DCLK1: variants seen among roughly 807,000 people sequenced by gnomAD.
DCLK1 encodes doublecortin like kinase 1, also known as serine/threonine-protein kinase DCLK1.
In DCLK1, 16 loss-of-function variants were observed where a neutral mutation model predicts 86.2. The ratio of observed to expected loss-of-function variants is 0.19; its 90% CI spans 0.13 to 0.28. The LOEUF is 0.28. Among genes scored for constraint, DCLK1 ranks in the 10% least tolerant of loss-of-function variants. The probability of loss-of-function intolerance (pLI) is 1.00; values close to 1 mark genes in which losing one functional copy is unlikely to be tolerated. For synonymous variants in DCLK1, 369 were observed against 370.5 expected (o/e 1.00, Z 0.05); for missense variants, 590 against 940.2 (o/e 0.63, Z 4.87).
At chr13:35,981,629 C>CT in intron 3 of DCLK1, among the ~76,000 whole-genome samples, 1 of 152,262 alleles carries the variant, frequency 6.6e-6, no homozygotes, top group East Asian at 1.9e-4. Flanking sequence ...GTGCTCCATC[C>CT]TTTTTAAAGC....
chr13:35,933,044 A>T (rs1427805501), intron 4 of DCLK1, among the ~76,000 whole-genome samples: 1 of 152,196 alleles, frequency 6.6e-6, no homozygotes, highest in Admixed American at 6.5e-5. Context: ...AACAATTCCA[A>T]ATGGGAGAAA....
intron 3 of DCLK1, among the ~76,000 whole-genome samples, chr13:36,069,552 T>C (rs1883889967): frequency 6.6e-6 from 1 of 152,138 alleles, no homozygotes; most frequent in African/African-American, 2.4e-5. Flanking sequence ...ATGACCTGCT[T>C]CATCTCCCCT....
intron 3 of DCLK1, among the ~76,000 whole-genome samples, chr13:35,950,344 A>G (rs913667959): frequency 6.6e-6 from 1 of 152,238 alleles, no homozygotes; most frequent in African/African-American, 2.4e-5. Context: ...CTAACAAGAA[A>G]GAATAACAGA....
intron 4 of DCLK1, among the ~76,000 whole-genome samples, chr13:35,918,014 C>A (rs1321056788): frequency 6.6e-6 from 1 of 152,148 alleles, no homozygotes; most frequent in Non-Finnish European, 1.5e-5. Flanking sequence ...CAAACCCCAC[C>A]ATTAATCTGC....
chr13:35,850,122 T>C (rs1566566495), intron 6 of DCLK1: 1 of 985,290 alleles, frequency 1.0e-6, no homozygotes, highest in Non-Finnish European at 1.2e-6. Flanking sequence ...AATTTTTCTT[T>C]TTCTCTCGGA....
intron 6 of DCLK1, chr13:35,846,202 G>A (rs1032731790): frequency 2.0e-6 from 2 of 985,098 alleles, no homozygotes; most frequent in African/African-American, 1.7e-5. Context: ...AACTGAAACT[G>A]TGAGCAGAAA....
chr13:35,839,251 G>A (rs774514545), intron 6 of DCLK1, 75 bp from the exon 7 acceptor site: 98 of 1,307,666 alleles, frequency 7.5e-5, no homozygotes, highest in Admixed American at 1.9e-4. Context: ...TGCCCAGCCC[G>A]GAATCTCAGG....
intron 3 of DCLK1, among the ~76,000 whole-genome samples, chr13:36,014,610 T>C (rs1231801278): frequency 6.6e-6 from 1 of 152,148 alleles, no homozygotes; most frequent in Admixed American, 6.5e-5. Flanking sequence ...ATTTGCAATC[T>C]CTTGGAGTTG....
intron 3 of DCLK1, among the ~76,000 whole-genome samples, chr13:36,011,337 C>T (rs1285506153): frequency 8.4e-6 from 1 of 119,078 alleles, no homozygotes; most frequent in African/African-American, 3.0e-5. Context: ...AATTTTGGAT[C>T]TTTCCTGCTT....
intron 2 of DCLK1, among the ~76,000 whole-genome samples, chr13:36,116,777 T>G (rs1885806585): frequency 6.6e-6 from 1 of 152,246 alleles, no homozygotes; most frequent in South Asian, 2.1e-4. Context: ...ATTTCATTAT[T>G]GTGAGTTATG....
chr13:35,855,833 C>T (rs1376563446), intron 5 of DCLK1: 12 of 1,214,838 alleles, frequency 9.9e-6, no homozygotes, highest in Non-Finnish European at 1.2e-5. Flanking sequence ...CCAGTGCTGT[C>T]AGTACTTTGC....
chr13:36,117,178 G>A (rs1453404417), intron 2 of DCLK1, among the ~76,000 whole-genome samples: 1 of 151,840 alleles, frequency 6.6e-6, no homozygotes, highest in Non-Finnish European at 1.5e-5. Context: ...AAAAAAATGA[G>A]AGATCTAAAC....
intron 3 of DCLK1, among the ~76,000 whole-genome samples, chr13:36,048,598 GTTAT>G (rs1883014786): frequency 1.3e-5 from 2 of 152,206 alleles, no homozygotes; most frequent in East Asian, 3.9e-4. Context: ...TAATTTCCAG[GTTAT>G]TTGTCACCTT....
intron 8 of DCLK1, 105 bp downstream of exon 8, chr13:35,835,928 T>C (rs1387392071): frequency 1.2e-6 from 1 of 860,858 alleles, no homozygotes; most frequent in African/African-American, 1.7e-5. Flanking sequence ...GTTGAGACAT[T>C]AACTTATTCC....
At chr13:36,043,673 T>C (rs1419437267) in intron 3 of DCLK1, among the ~76,000 whole-genome samples, 1 of 151,984 alleles carries the variant, frequency 6.6e-6, no homozygotes, top group African/African-American at 2.4e-5. Context: ...ATAGGTAATA[T>C]AGAAGTAAAT....
chr13:35,788,185 T>C, intron 16 of DCLK1: 1 of 1,611,442 alleles, frequency 6.2e-7, no homozygotes, highest in South Asian at 1.1e-5. Context: ...ATGGAAACAC[T>C]GACTGTTGAG....
chr13:35,957,919 T>C (rs985674386), intron 3 of DCLK1, among the ~76,000 whole-genome samples: 13 of 18,278 alleles, frequency 7.1e-4, no homozygotes, highest in East Asian at 1.5e-3. Flanking sequence ...CCACCACCAC[T>C]GCTATAACCA....
Position 35,913,982 on chromosome 13 carries a change from T to C in DCLK1, c.823+33376A>G, listed in dbSNP as rs192384745. On this transcript the variant is annotated intron_variant, in intron 4 of 16. Coordinates refer to ENST00000360631, the MANE Select transcript of DCLK1 (RefSeq NM_001330071.2). The stretch of plus-strand genomic sequence containing the variant: ...TTATTTTAATTCCAATTTGGTTATG[T>C]CAGTTAGTATAGGAAAGAGGTACGA... Among the ~76,000 whole-genome samples the C allele has an allele frequency of 2.2e-4, 33 of 152,222 alleles. No homozygotes were observed. In the East Asian group the frequency reaches 5.4e-3, roughly 25 times the overall value.
At chr13:36,040,366 T>TAGGTATTCCTATGG (rs1882658877) in intron 3 of DCLK1, among the ~76,000 whole-genome samples, 1 of 128,242 alleles carries the variant, frequency 7.8e-6, no homozygotes, top group African/African-American at 2.9e-5. Flanking sequence ...TATTCCTCCA[T>TAGGTATTCCTATGG]AGGAATACCC....
Sources: allele counts gnomAD v4.1 joint callset (sites outside exome capture counted in the v4.1 genomes callset), GRCh38; gene constraint gnomAD v4.1.1; transcripts MANE v1.5; gene names NCBI Gene and HGNC (gene_info 2026-07-23, HGNC 2026-07-21).